The following PHACTR2 variants were observed in gnomAD, a reference collection of about 807,000 sequenced individuals.
The protein encoded by PHACTR2 is phosphatase and actin regulator 2.
Under a neutral mutation model 76.0 loss-of-function variants are expected in PHACTR2, and 30 were observed. That is an observed-to-expected ratio of 0.39 (90% CI 0.30 to 0.54). The LOEUF (loss-of-function observed/expected upper bound fraction) is 0.54, where lower values mean the gene tolerates loss of function less well. Among genes scored for constraint, PHACTR2 ranks in the 20% least tolerant of loss-of-function variants. PHACTR2 has a pLI of 0.61. For synonymous variants in PHACTR2, 292 were observed against 292.5 expected (o/e 1.00, Z 0.02); for missense variants, 696 against 781.1 (o/e 0.89, Z 1.30).
chr6:143,590,706 G>A (rs758191801), intron 1 of PHACTR2, among the ~76,000 whole-genome samples: 1 of 152,076 alleles, frequency 6.6e-6, no homozygotes, highest in Non-Finnish European at 1.5e-5. Context: ...ACAGGAACAC[G>A]CTGTCTTAGA....
chr6:143,579,332 T>TA (rs1775548147), intron 1 of PHACTR2, among the ~76,000 whole-genome samples: 1 of 152,132 alleles, frequency 6.6e-6, no homozygotes, highest in East Asian at 1.9e-4. Flanking sequence ...AAAATTTGCA[T>TA]AAAGGAGACT....
At chr6:143,808,127 ATT>A (rs35192258) in intron 12 of PHACTR2, among the ~76,000 whole-genome samples, 1,912 of 130,322 alleles carry the variant, frequency 0.015, 30 homozygotes, top group African/African-American at 0.045. Context: ...ACAATCCAAA[ATT>A]TTTTTTTTTT....
At chr6:143,542,049 G>A (rs976032211) in intron 1 of PHACTR2, among the ~76,000 whole-genome samples, 1 of 152,148 alleles carries the variant, frequency 6.6e-6, no homozygotes, top group African/African-American at 2.4e-5. Flanking sequence ...AAGACCATCT[G>A]GTTCTAAGTT....
intron 1 of PHACTR2, among the ~76,000 whole-genome samples, chr6:143,704,109 G>GTC (rs1352087445): frequency 6.0e-5 from 9 of 150,558 alleles, no homozygotes; most frequent in South Asian, 2.1e-4. Context: ...GTGTGTGTGT[G>GTC]TGTGTGTGTG....
At chr6:143,565,330 A>T (rs115908628) in intron 1 of PHACTR2, among the ~76,000 whole-genome samples, 1,635 of 152,342 alleles carry the variant, frequency 0.011, 28 homozygotes, top group African/African-American at 0.037. Flanking sequence ...GAAATTCAAG[A>T]GTGCCAGGCC....
At position 143,753,812 on chromosome 6, in the gene PHACTR2, G is replaced by T; in HGVS notation, c.354G>T (p.Glu118Asp). ...ACGGGCACATGATACCCATCGGAGA[G>T]GAATCTACCCGAGAGGAAAATGTAG... ...NSNGHMIPIG[E>D]ESTREENVVK... is the part of the protein sequence containing the mutation. The change falls in exon 4 of 13, where the codon GAG (glutamate) becomes GAT (aspartate). Residue 118 changes from glutamate (E) to aspartate (D), a missense_variant. Transcript: ENST00000440869. The surrounding 1 kb of genome is among the most constrained non-coding windows in gnomAD (Gnocchi z 4.6). 6.2e-7 allele frequency: 1 copy of T among 1,612,646 alleles called. No individual in the cohort carries two copies. Among genetic ancestry groups the T allele is most frequent in the Non-Finnish European group, 8.5e-7 (1 of 1,179,110 alleles).
chr6:143,657,345 A>G (rs890106064), intron 1 of PHACTR2, among the ~76,000 whole-genome samples: 1 of 152,066 alleles, frequency 6.6e-6, no homozygotes, highest in Non-Finnish European at 1.5e-5. Flanking sequence ...GATGTAGAAT[A>G]TTTCCAACCC....
chr6:143,707,519 C>G (rs1470931168), intron 1 of PHACTR2, among the ~76,000 whole-genome samples: 1 of 152,152 alleles, frequency 6.6e-6, no homozygotes, highest in East Asian at 1.9e-4. Context: ...AGCTGGAATA[C>G]TATGCCACAT....
At chr6:143,622,669 T>C (rs1325940649) in intron 1 of PHACTR2, among the ~76,000 whole-genome samples, 1 of 152,178 alleles carries the variant, frequency 6.6e-6, no homozygotes, top group Non-Finnish European at 1.5e-5. Flanking sequence ...CGATGCAAAA[T>C]GCAGCTTAAT....
chr6:143,596,248 C>A lies in PHACTR2; in HGVS notation c.217+59041C>A, dbSNP rs552271720. Among the ~76,000 whole-genome samples the A allele has an allele frequency of 2.6e-5, 4 of 152,178 alleles. No homozygotes were observed. The highest frequency in any genetic ancestry group is 4.4e-5 in the Non-Finnish European group (3 of 68,014). On this transcript the variant is annotated intron_variant, in intron 1 of 11. Transcript: ENST00000367584. This position sits in a 1 kb window ranked among gnomAD's most constrained non-coding sequence, Gnocchi z 4.6. ...AGCCAGATCTGTGAGTCCCTTTATT[C>A]CTCTAGGTCTTCATTTGGTGTCTTT...
At chr6:143,773,106 G>C (rs1053607244) in intron 7 of PHACTR2, among the ~76,000 whole-genome samples, 2 of 152,118 alleles carry the variant, frequency 1.3e-5, no homozygotes, top group Admixed American at 6.5e-5. Context: ...CCAGCTGCTC[G>C]GGAGGCTGAG....
rs1778742610 is a variant in PHACTR2 at position 143,733,127 on chromosome 6, C to T, written c.215-15858C>T. Among the ~76,000 whole-genome samples the T allele has an allele frequency of 6.6e-6, 1 of 152,114 alleles. No individual in the cohort carries two copies. Among genetic ancestry groups the T allele is most frequent in the African/African-American group, 2.4e-5 (1 of 41,422 alleles). ...CTGCCCAGGCTGGGTGTCCAACTGG[C>T]TTCAAGTGATTGTCCTACCTTGACC... On this transcript the variant is annotated intron_variant, in intron 2 of 12. Transcript: ENST00000440869. The surrounding 1 kb of genome is among the most constrained non-coding windows in gnomAD (Gnocchi z 4.0).
At chr6:143,600,291 C>A (rs1242897716) in intron 1 of PHACTR2, among the ~76,000 whole-genome samples, 1 of 152,190 alleles carries the variant, frequency 6.6e-6, no homozygotes, top group Non-Finnish European at 1.5e-5. Flanking sequence ...TAACAGTAGA[C>A]TCATCCATAA....
At chr6:143,813,227 G>A (rs1379339920) in intron 12 of PHACTR2, among the ~76,000 whole-genome samples, 1 of 152,072 alleles carries the variant, frequency 6.6e-6, no homozygotes, top group Non-Finnish European at 1.5e-5. Context: ...ATTGAATTGA[G>A]GCTCTTAGAG....
At position 143,602,760 on chromosome 6, in the gene PHACTR2, G is replaced by T. The variant is rs192698500; in HGVS notation, c.217+65553G>T. Among the ~76,000 whole-genome samples the T allele has an allele frequency of 5.8e-4, 88 of 152,320 alleles. No homozygotes were observed. The highest frequency in any genetic ancestry group is 6.9e-4 in the Non-Finnish European group (47 of 68,030). Reference sequence around the variant, plus strand: ...AAGTCCAAACTTGTCGGAAGACTGTGTCTGATGGATGTTGCCTTATGTAAG... The same window carrying T: ...AAGTCCAAACTTGTCGGAAGACTGTTTCTGATGGATGTTGCCTTATGTAAG... On this transcript the variant is annotated intron_variant, in intron 1 of 11. Transcript: ENST00000367584. This position sits in a 1 kb window ranked among gnomAD's most constrained non-coding sequence, Gnocchi z 6.1.
chr6:143,572,914 A>C (rs1203903430), intron 1 of PHACTR2, among the ~76,000 whole-genome samples: 1 of 152,194 alleles, frequency 6.6e-6, no homozygotes, highest in Non-Finnish European at 1.5e-5. Flanking sequence ...ATTATCATCA[A>C]ATTCTAAAAG....
At chr6:143,701,151 A>C (rs1006111321) in intron 1 of PHACTR2, among the ~76,000 whole-genome samples, 4 of 152,216 alleles carry the variant, frequency 2.6e-5, no homozygotes, top group African/African-American at 9.7e-5. Context: ...ATGTCAGTGA[A>C]TCAGGATGTC....
At chr6:143,817,400 T>C (rs1194410975) in intron 12 of PHACTR2, among the ~76,000 whole-genome samples, 2 of 152,170 alleles carry the variant, frequency 1.3e-5, no homozygotes, top group Non-Finnish European at 2.9e-5. Context: ...GGAGGTACAA[T>C]GCACTGTGTT....
rs939236608 is a variant in PHACTR2, at chr6:143,547,103, A to G, written c.217+9896A>G. On this transcript the variant is annotated intron_variant, in intron 1 of 11. Transcript: ENST00000367584. This position sits in a 1 kb window ranked among gnomAD's most constrained non-coding sequence, Gnocchi z 4.2. ...GAATTTATGTCTTCAAATGAGTGTT[A>G]TCTTTTAGAGTTGTCATATTGGAAG... Among the ~76,000 whole-genome samples the G allele has an allele frequency of 1.3e-5, 2 of 152,074 alleles. No individual in the cohort carries two copies. Among genetic ancestry groups the G allele is most frequent in the African/African-American group, 4.8e-5 (2 of 41,410 alleles).
Sources: gnomAD v4.1 joint callset for allele counts (sites outside exome capture counted in the v4.1 genomes callset) on GRCh38, gnomAD v4.1.1 for gene constraint, Gnocchi (gnomAD v3.1) non-coding constraint, MANE v1.5 for transcripts, NCBI Gene and HGNC (gene_info 2026-07-23, HGNC 2026-07-21) for gene names.